The following IPMK variants were observed in gnomAD, a reference collection of about 807,000 sequenced individuals.
IPMK encodes the protein inositol 1,3,4,6-tetrakisphosphate 5-kinase.
A neutral mutation model predicts 45.8 loss-of-function variants in IPMK; 17 were observed. The ratio of observed to expected loss-of-function variants is 0.37; its 90% CI spans 0.25 to 0.56. IPMK has a LOEUF of 0.56. Among genes scored for constraint, IPMK ranks in the 20% least tolerant of loss-of-function variants. IPMK has a pLI of 0.79. For missense variants in IPMK, 399 were observed against 498.0 expected (o/e 0.80, Z 1.89); for synonymous variants, 180 against 184.3 (o/e 0.98, Z 0.19).
intron 2 of IPMK, among the ~76,000 whole-genome samples, chr10:58,231,776 G>T (rs1444165811): frequency 1.3e-5 from 2 of 152,066 alleles, no homozygotes; most frequent in Non-Finnish European, 2.9e-5. Flanking sequence ...CAATTAATGG[G>T]CAAAATAACC....
chr10:58,209,272 T>A (rs1838121089), intron 4 of IPMK, among the ~76,000 whole-genome samples: 1 of 152,158 alleles, frequency 6.6e-6, no homozygotes. Flanking sequence ...GGACCTCTTC[T>A]CCAAGGTCCT....
chr10:58,204,066 A>T (rs1838036711), intron 4 of IPMK, among the ~76,000 whole-genome samples: 1 of 70,936 alleles, frequency 1.4e-5, no homozygotes, highest in Admixed American at 1.1e-4. Flanking sequence ...CTGTTTTTTA[A>T]AAAAACATAA....
rs1248946117 is a variant in IPMK at position 58,211,697 on chromosome 10, T to A, written c.546+4448A>T. Among the ~76,000 whole-genome samples, 4 of 148,444 alleles carry A rather than the reference T, an allele frequency of 2.7e-5. No individual in the cohort carries two copies. The East Asian group carries it at 7.9e-4, about 29-fold the overall frequency. On this transcript the variant is annotated intron_variant, in intron 4 of 5. Coordinates refer to ENST00000373935, the MANE Select transcript of IPMK (RefSeq NM_152230.5). The stretch of plus-strand genomic sequence containing the variant: ...AACCTCATCTGTACTAAAACCTCAG[T>A]GCAACAGTGAAACAGTGCACAGTAG...
chr10:58,225,278 ACTTT>A (rs1410902149), intron 3 of IPMK, among the ~76,000 whole-genome samples: 2 of 152,156 alleles, frequency 1.3e-5, no homozygotes, highest in Non-Finnish European at 2.9e-5. Flanking sequence ...TGGTGGTATT[ACTTT>A]CTATTTGTAG....
chr10:58,212,145 A>G (rs1384518397), intron 4 of IPMK, among the ~76,000 whole-genome samples: 1 of 152,170 alleles, frequency 6.6e-6, no homozygotes, highest in Non-Finnish European at 1.5e-5. Flanking sequence ...ACTCAGAATT[A>G]AAACTTTTGC....
chr10:58,267,291 A>G, intron 1 of IPMK, 131 bp downstream of exon 1: 1 of 821,308 alleles, frequency 1.2e-6, no homozygotes, highest in Non-Finnish European at 2.0e-6. Flanking sequence ...GGGACAGCGG[A>G]AGAGGCCAGG....
At chr10:58,255,536 T>C (rs1332978517) in intron 1 of IPMK, among the ~76,000 whole-genome samples, 1 of 152,220 alleles carries the variant, frequency 6.6e-6, no homozygotes, top group Non-Finnish European at 1.5e-5. Flanking sequence ...GTATTCAGGC[T>C]GGTGCTCTTG....
intron 1 of IPMK, among the ~76,000 whole-genome samples, chr10:58,239,668 G>T (rs1197038869): frequency 5.3e-5 from 8 of 152,112 alleles, no homozygotes; most frequent in Admixed American, 5.2e-4. Context: ...AACCCCTCAC[G>T]TTTGAGAAGA....
rs760409520 is a variant in IPMK, at chr10:58,195,204, TAG to T, written c.*870_*871del. On this transcript the variant is annotated 3_prime_UTR_variant, in exon 6 of 6. Coordinates refer to ENST00000373935, the MANE Select transcript of IPMK (RefSeq NM_152230.5). ...TTTAAAGAAAAAAATTCAAGTTATT[TAG>T]AGGAGAAATAAAACTTCAATTATTT... 5.9e-5 allele frequency: 9 copies of T among 152,082 alleles called. No homozygotes were observed. The highest frequency in any genetic ancestry group is 1.3e-4 in the Non-Finnish European group (9 of 67,920). The allele number at this position is 152,082 out of a possible 1,614,324, so 9.4% of individuals were successfully genotyped here. A position where few individuals can be genotyped will look rare whatever the true frequency, so the allele number is the denominator to read the frequency against.
rs1341956337 is a variant in IPMK at position 58,193,425 on chromosome 10, T to C, written c.*2651A>G. 1.3e-5 allele frequency: 2 copies of C among 151,892 alleles called. No homozygotes were observed. Among genetic ancestry groups the C allele is most frequent in the Non-Finnish European group, 3.0e-5 (2 of 67,778 alleles). 9.4% of individuals were successfully genotyped at this position (151,892 alleles called of 1,614,324 possible). A position where few individuals can be genotyped will look rare whatever the true frequency, so the allele number is the denominator to read the frequency against. On this transcript the variant is annotated 3_prime_UTR_variant, in exon 6 of 6. Transcript: ENST00000373935. The stretch of plus-strand genomic sequence containing the variant: ...CAAGCTCCACATTAGAGCCATTTAA[T>C]ATACACATTTCCATAACTGTTTCTT...
chr10:58,200,136 A>G (rs1477384854), intron 4 of IPMK, among the ~76,000 whole-genome samples: 1 of 151,944 alleles, frequency 6.6e-6, no homozygotes, highest in Non-Finnish European at 1.5e-5. Context: ...TGGTTGGGGG[A>G]GGGACGGAGT....
intron 1 of IPMK, among the ~76,000 whole-genome samples, chr10:58,253,237 T>A (rs1838911373): frequency 6.6e-6 from 1 of 152,220 alleles, no homozygotes; most frequent in Admixed American, 6.5e-5. Flanking sequence ...GCCATGATTG[T>A]AAGGCCTCCT....
At chr10:58,211,919 A>AAAAAAAATAAAAAAT (rs967150743) in intron 4 of IPMK, among the ~76,000 whole-genome samples, 1 of 148,184 alleles carries the variant, frequency 6.7e-6, no homozygotes, top group African/African-American at 2.6e-5. Context: ...AAAAAAAAAA[A>AAAAAAAATAAAAAAT]AAAAAATTTG....
At chr10:58,239,929 G>A (rs940984087) in intron 1 of IPMK, among the ~76,000 whole-genome samples, 1 of 152,060 alleles carries the variant, frequency 6.6e-6, no homozygotes, top group South Asian at 2.1e-4. Flanking sequence ...TGTACTGCAC[G>A]GGGGATCAAA....
intron 1 of IPMK, among the ~76,000 whole-genome samples, chr10:58,248,663 TG>T (rs2132172932): frequency 6.6e-6 from 1 of 152,346 alleles, no homozygotes; most frequent in South Asian, 2.1e-4. Flanking sequence ...AGTGTATTTT[TG>T]CACCCGTTAA....
At position 58,267,513 on chromosome 10, in the gene IPMK, C is replaced by T. The variant is rs749061891; in HGVS notation, c.99G>A (p.Pro33=). 2.4e-5 allele frequency: 39 copies of T among 1,613,146 alleles called. No homozygotes were observed. Among genetic ancestry groups the T allele is most frequent in the Non-Finnish European group, 3.1e-5 (37 of 1,179,770 alleles). Residue 33 remains proline, a synonymous_variant, in exon 1 of 6, where the codon CCG becomes CCA. Coordinates refer to ENST00000373935, the MANE Select transcript of IPMK (RefSeq NM_152230.5). ...PAIESTPEGT[P]QPAGGRLRFL... ...AGCGGAGTCTGCCGCCCGCCGGCTG[C>T]GGGGTGCCCTCAGGGGTGGACTCGA...
chr10:58,241,484 A>G (rs1314229231), intron 1 of IPMK, among the ~76,000 whole-genome samples: 2 of 152,222 alleles, frequency 1.3e-5, no homozygotes, highest in African/African-American at 4.8e-5. Context: ...CCTAAACAAA[A>G]GACGACACTA....
At chr10:58,218,473 T>C (rs1267040057) in intron 3 of IPMK, among the ~76,000 whole-genome samples, 2 of 152,226 alleles carry the variant, frequency 1.3e-5, no homozygotes, top group African/African-American at 4.8e-5. Flanking sequence ...ACTCTAGGGC[T>C]GCTCAATAAT....
chr10:58,264,769 GA>G (rs1839124678), intron 1 of IPMK, among the ~76,000 whole-genome samples: 2 of 152,092 alleles, frequency 1.3e-5, no homozygotes, highest in South Asian at 2.1e-4. Context: ...ACAATTTTTA[GA>G]AAGAATAAAG....
Sources: gnomAD v4.1 joint callset for allele counts (sites outside exome capture counted in the v4.1 genomes callset) on GRCh38, gnomAD v4.1.1 for gene constraint, MANE v1.5 for transcripts, NCBI Gene and HGNC (gene_info 2026-07-23, HGNC 2026-07-21) for gene names.